The following CA5A variants were observed in gnomAD, a reference collection of about 807,000 sequenced individuals.
CA5A encodes carbonic anhydrase 5A, mitochondrial.
A neutral mutation model predicts 37.1 loss-of-function variants in CA5A; 28 were observed. The observed-to-expected ratio is 0.75, with a 90% confidence interval of 0.56 to 1.03. CA5A has a LOEUF of 1.03. Ranked by LOEUF, CA5A falls within the 50% of genes least tolerant of loss-of-function variation. The pLI is 0.00. For missense variants in CA5A, 444 were observed against 399.9 expected (o/e 1.11, Z -0.94); for synonymous variants, 171 against 158.4 (o/e 1.08, Z -0.60).
At chr16:87,922,764 C>T (rs1567533459) in intron 2 of CA5A, among the ~76,000 whole-genome samples, 1 of 152,248 alleles carries the variant, frequency 6.6e-6, no homozygotes, top group Non-Finnish European at 1.5e-5. Context: ...GCATGGAGGT[C>T]AGCTCCTGAT....
chr16:87,926,221 T>TATAAAATAAA (rs111594497), intron 2 of CA5A, among the ~76,000 whole-genome samples: 23,507 of 150,436 alleles, frequency 0.16, 2,010 homozygotes, highest in Admixed American at 0.22. Flanking sequence ...TCTGTCTCAA[T>TATAAAATAAA]ATAAAATAAA....
rs371277775 is a variant in CA5A at position 87,933,824 on chromosome 16, C to T, written c.142+2485G>A. 3.8e-4 allele frequency among the ~76,000 whole-genome samples: 58 copies of T among 152,192 alleles called. 1 individual carries two copies. Among genetic ancestry groups the T allele is most frequent in the Admixed American group, 7.2e-4 (11 of 15,288 alleles). On this transcript the variant is annotated intron_variant, in intron 1 of 6. Transcript: ENST00000649794. The stretch of plus-strand genomic sequence containing the variant: ...TTCAGAATGCCCATAAATAAAACAC[C>T]GACATAGAAGGATGAATTCCTTATG...
intron 1 of CA5A, 112 bp downstream of exon 1, chr16:87,936,194 AGTG>A: frequency 5.5e-6 from 3 of 542,750 alleles, no homozygotes; most frequent in African/African-American, 4.0e-5. Flanking sequence ...AAAAAAACGG[AGTG>A]GAAATCTGAA....
rs779068362 is a variant in CA5A, at chr16:87,901,917, G to C, written c.613C>G (p.His205Asp). The C allele has an allele frequency of 4.0e-5, 65 of 1,612,312 alleles. No homozygotes were observed. The East Asian group carries it at 1.5e-3, about 36-fold the overall frequency. The change falls in exon 5 of 7, where the codon CAT (histidine) becomes GAT (aspartate). Residue 205 changes from histidine (H) to aspartate (D), a missense_variant. By Grantham distance (81) the His-to-Asp change is moderately conservative. Transcript: ENST00000649794. The stretch of plus-strand genomic sequence containing the variant: ...ATTTCAAATATGCAGCTTACCTTAT[G>C]TTTTATTTCCGGCAAGATGTCCACC... ...RLVDILPEIK[H>D]KDARAAMRPF...
intron 2 of CA5A, among the ~76,000 whole-genome samples, chr16:87,916,179 A>C (rs533147166): frequency 4.9e-5 from 7 of 142,392 alleles, no homozygotes; most frequent in South Asian, 2.1e-4. Context: ...AAAAAAAAAA[A>C]AACAAAAAAC....
At chr16:87,912,519 C>A (rs1003629449) in intron 2 of CA5A, among the ~76,000 whole-genome samples, 2 of 152,232 alleles carry the variant, frequency 1.3e-5, no homozygotes, top group African/African-American at 2.4e-5. Context: ...AAAAGTCCCT[C>A]ATTCATCCGA....
rs976733557 is a variant in CA5A, at chr16:87,897,750, G to A, written c.618+4162C>T. Among the ~76,000 whole-genome samples the A allele has an allele frequency of 2.6e-5, 4 of 152,352 alleles. No homozygotes were observed. The East Asian group carries it at 7.7e-4, about 29-fold the overall frequency. On this transcript the variant is annotated intron_variant, in intron 5 of 6. Coordinates refer to ENST00000649794, the MANE Select transcript of CA5A (RefSeq NM_001739.2). ...CGGGCTCTTCACCTGCCAGCTGTGT[G>A]CTCGGGCAAGGCCTTCTCTGCCTCT...
intron 2 of CA5A, among the ~76,000 whole-genome samples, chr16:87,919,131 A>C (rs1410642015): frequency 6.6e-6 from 1 of 152,116 alleles, no homozygotes; most frequent in East Asian, 1.9e-4. Context: ...GGGAAGCCAA[A>C]AGTGGGGTCG....
At chr16:87,926,131 A>C (rs2056305213) in intron 2 of CA5A, among the ~76,000 whole-genome samples, 2 of 152,156 alleles carry the variant, frequency 1.3e-5, no homozygotes, top group South Asian at 4.1e-4. Flanking sequence ...GAGGCAGGAG[A>C]ATCACTTGAA....
At chr16:87,898,642 C>G (rs924571706) in intron 5 of CA5A, among the ~76,000 whole-genome samples, 16 of 152,032 alleles carry the variant, frequency 1.1e-4, no homozygotes, top group African/African-American at 3.6e-4. Context: ...TTGGCCACAG[C>G]TGGGCCTTAA....
chr16:87,893,085 C>G (rs1803893623), intron 5 of CA5A: 2 of 801,440 alleles, frequency 2.5e-6, no homozygotes, highest in Non-Finnish European at 4.0e-6. Flanking sequence ...CCGAGGCTGC[C>G]TGAAGGAACA....
At chr16:87,915,141 C>G (rs2056116979) in intron 2 of CA5A, among the ~76,000 whole-genome samples, 1 of 152,208 alleles carries the variant, frequency 6.6e-6, no homozygotes, top group Admixed American at 6.5e-5. Flanking sequence ...GCACGTCCGA[C>G]CACACTCGCC....
rs757478646 is a variant in CA5A at position 87,891,933 on chromosome 16, G to C, written c.640C>G (p.Pro214Ala). 64 of 1,554,294 alleles carry C rather than the reference G, an allele frequency of 4.1e-5. No homozygotes were observed. Among genetic ancestry groups the C allele is most frequent in the Non-Finnish European group, 5.5e-5 (63 of 1,151,178 alleles). ...GGCAGCAGAGTGGAGGGGTCGAAGGGGCGCATGGCCGCCCGCGCGTCCTGA... is the reference window on the plus strand; with the variant it reads ...GGCAGCAGAGTGGAGGGGTCGAAGGCGCGCATGGCCGCCCGCGCGTCCTGA... Reference protein sequence around the residue: ...KHKDARAAMRPFDPSTLLPTC... With the variant: ...KHKDARAAMRAFDPSTLLPTC... Residue 214 changes from proline to alanine, a missense_variant, in exon 6 of 7, where the codon CCC becomes GCC. Pro to Ala is a conservative substitution (Grantham distance 27). Transcript: ENST00000649794.
At chr16:87,930,413 T>C (rs2056385673) in intron 1 of CA5A, among the ~76,000 whole-genome samples, 1 of 152,130 alleles carries the variant, frequency 6.6e-6, no homozygotes, top group African/African-American at 2.4e-5. Flanking sequence ...TGTCCAGGTC[T>C]CCAGAGTGTT....
chr16:87,921,874 TA>T (rs1488677782), intron 2 of CA5A, among the ~76,000 whole-genome samples: 103 of 111,814 alleles, frequency 9.2e-4, no homozygotes, highest in Admixed American at 2.7e-3. Context: ...TTATTATTAT[TA>T]TTATTTTTGA....
intron 1 of CA5A, among the ~76,000 whole-genome samples, chr16:87,930,643 G>A (rs181820466): frequency 4.6e-5 from 7 of 152,216 alleles, no homozygotes; most frequent in Admixed American, 1.3e-4. Context: ...TGGGGACTGC[G>A]GCGTGGGGAC....
chr16:87,927,082 G>A (rs565739801), intron 1 of CA5A, 137 bp from the exon 2 acceptor site: 18 of 658,410 alleles, frequency 2.7e-5, no homozygotes, highest in African/African-American at 2.2e-4. Flanking sequence ...AAACGGGCGC[G>A]TGGGGGCCCC....
At chr16:87,933,704 G>C (rs367665808) in intron 1 of CA5A, among the ~76,000 whole-genome samples, 1 of 152,138 alleles carries the variant, frequency 6.6e-6, no homozygotes, top group Non-Finnish European at 1.5e-5. Flanking sequence ...ATCACTGAGC[G>C]TTTTGTAACT....
intron 2 of CA5A, among the ~76,000 whole-genome samples, chr16:87,920,352 G>A (rs576927633): frequency 3.9e-5 from 6 of 152,152 alleles, no homozygotes; most frequent in African/African-American, 7.2e-5. Context: ...TCGCTCTGTC[G>A]CCCAGGCTGG....
Sources: gnomAD v4.1 joint callset for allele counts (sites outside exome capture counted in the v4.1 genomes callset) on GRCh38, gnomAD v4.1.1 for gene constraint, MANE v1.5 for transcripts, NCBI Gene and HGNC (gene_info 2026-07-23, HGNC 2026-07-21) for gene names.